Variants in DCLK1 observed in about 807,000 individuals in gnomAD.
The protein encoded by DCLK1 is doublecortin like kinase 1.
A neutral mutation model predicts 86.2 loss-of-function variants in DCLK1; 16 were observed. The ratio of observed to expected loss-of-function variants is 0.19; its 90% CI spans 0.13 to 0.28. The LOEUF (loss-of-function observed/expected upper bound fraction) is 0.28, where lower values mean the gene tolerates loss of function less well. DCLK1 is among the 10% of genes least tolerant of loss of function. The pLI, the probability that DCLK1 is intolerant of heterozygous loss-of-function variation, is 1.00. For missense variants in DCLK1, 590 were observed against 940.2 expected (o/e 0.63, Z 4.87); for synonymous variants, 369 against 370.5 (o/e 1.00, Z 0.05).
chr13:36,108,689 C>A (rs1885495770), intron 3 of DCLK1, among the ~76,000 whole-genome samples: 1 of 152,206 alleles, frequency 6.6e-6, no homozygotes, highest in Non-Finnish European at 1.5e-5. Flanking sequence ...AGCACTCAAG[C>A]AATTCATTTT....
chr13:36,012,009 G>T (rs551882013), intron 3 of DCLK1, among the ~76,000 whole-genome samples: 1,549 of 147,272 alleles, frequency 0.011, 20 homozygotes, highest in Non-Finnish European at 0.017. Context: ...TTTGATCTTT[G>T]TTGGTTTAAA....
chr13:36,001,039 C>T (rs531619352), intron 3 of DCLK1, among the ~76,000 whole-genome samples: 6 of 151,722 alleles, frequency 4.0e-5, no homozygotes, highest in Non-Finnish European at 8.8e-5. Flanking sequence ...ACATCCGCCT[C>T]CCAGGTTTAA....
chr13:36,054,792 G>C (rs1044740524), intron 3 of DCLK1, among the ~76,000 whole-genome samples: 4 of 152,140 alleles, frequency 2.6e-5, no homozygotes, highest in African/African-American at 9.7e-5. Context: ...CTGAGGTCTT[G>C]TCCACACTAA....
At chr13:35,954,902 C>G (rs1639187709) in intron 3 of DCLK1, among the ~76,000 whole-genome samples, 1 of 152,046 alleles carries the variant, frequency 6.6e-6, no homozygotes, top group African/African-American at 2.4e-5. Context: ...CTCAAACTAA[C>G]AGGCTGATGC....
intron 11 of DCLK1, among the ~76,000 whole-genome samples, chr13:35,818,789 A>T (rs2087327659): frequency 6.8e-6 from 1 of 147,562 alleles, no homozygotes; most frequent in African/African-American, 2.5e-5. Flanking sequence ...GAAGGTATTA[A>T]TTTTTTTTTT....
intron 4 of DCLK1, among the ~76,000 whole-genome samples, chr13:35,903,736 T>TAA (rs140116727): frequency 8.7e-5 from 13 of 149,174 alleles, no homozygotes; most frequent in African/African-American, 3.2e-4. Flanking sequence ...CCTAACAAAA[T>TAA]AAAAAAAAAA....
chr13:36,071,403 T>A lies in DCLK1; in HGVS notation c.723+40466A>T, dbSNP rs1883970727. The stretch of plus-strand genomic sequence containing the variant: ...AGCCTCATTCTGTTAAGTATTATTA[T>A]ACTCACTTCAGATATGAGGAAACAA... On this transcript the variant is annotated intron_variant, in intron 3 of 16. Coordinates refer to ENST00000360631, the MANE Select transcript of DCLK1 (RefSeq NM_001330071.2). Among the ~76,000 whole-genome samples, 5 of 152,186 alleles carry A rather than the reference T, an allele frequency of 3.3e-5. No individual in the cohort carries two copies. In the South Asian group the frequency reaches 1.0e-3, roughly 31 times the overall value.
intron 4 of DCLK1, among the ~76,000 whole-genome samples, chr13:35,884,388 A>T (rs959427189): frequency 2.0e-5 from 3 of 152,160 alleles, no homozygotes; most frequent in Non-Finnish European, 2.9e-5. Context: ...GTTCATATAT[A>T]TTGTCAGCTC....
chr13:35,822,879 A>C lies in DCLK1; in HGVS notation c.1408-4T>G. ...TGGCATCAAAAAGGTCTCCCCCCTGAGAAGAGAACAGAAGCTGAAGCAGCA... is the reference window on the plus strand; with the variant it reads ...TGGCATCAAAAAGGTCTCCCCCCTGCGAAGAGAACAGAAGCTGAAGCAGCA... On this transcript the variant is annotated splice_region_variant and splice_polypyrimidine_tract_variant and intron_variant, in intron 10 of 16. Coordinates refer to ENST00000360631, the MANE Select transcript of DCLK1 (RefSeq NM_001330071.2). 6.2e-7 allele frequency: 1 copy of C among 1,613,748 alleles called. No individual in the cohort carries two copies.
intron 4 of DCLK1, among the ~76,000 whole-genome samples, chr13:35,892,234 A>G (rs1319230834): frequency 6.6e-6 from 1 of 152,174 alleles, no homozygotes; most frequent in African/African-American, 2.4e-5. Context: ...TGCTTCATAC[A>G]TTTTAATCAT....
At chr13:36,107,150 T>TAATGA (rs950761477) in intron 3 of DCLK1, among the ~76,000 whole-genome samples, 5 of 152,156 alleles carry the variant, frequency 3.3e-5, no homozygotes, top group Non-Finnish European at 5.9e-5. Context: ...AGAGAAGATG[T>TAATGA]AATGATGGAT....
At chr13:35,839,675 T>A (rs561272385) in intron 6 of DCLK1, among the ~76,000 whole-genome samples, 200 of 152,176 alleles carry the variant, frequency 1.3e-3, no homozygotes, top group Middle Eastern at 6.8e-3. Context: ...GGTTAAAGAG[T>A]GGGGTTGTCA....
chr13:36,129,035 C>T (rs1886281069), intron 1 of DCLK1, among the ~76,000 whole-genome samples: 2 of 152,226 alleles, frequency 1.3e-5, no homozygotes, highest in African/African-American at 4.8e-5. Flanking sequence ...AAAGGCCAAA[C>T]TCACTTTTGA....
intron 3 of DCLK1, among the ~76,000 whole-genome samples, chr13:36,044,748 A>G (rs1315691697): frequency 6.6e-6 from 1 of 152,188 alleles, no homozygotes. Context: ...ACAGAGGGAA[A>G]TTGAGAAAGA....
intron 3 of DCLK1, among the ~76,000 whole-genome samples, chr13:36,019,089 C>A (rs907104943): frequency 1.3e-5 from 2 of 152,118 alleles, no homozygotes; most frequent in Admixed American, 1.3e-4. Flanking sequence ...AAGTATGCTA[C>A]CAAAATGAGA....
At chr13:35,863,529 G>C (rs1166893934) in intron 5 of DCLK1, among the ~76,000 whole-genome samples, 1 of 152,196 alleles carries the variant, frequency 6.6e-6, no homozygotes, top group Non-Finnish European at 1.5e-5. Context: ...GGTGGGTGCA[G>C]AGAAAGGAGA....
intron 6 of DCLK1, among the ~76,000 whole-genome samples, chr13:35,841,279 C>T (rs1372120278): frequency 6.6e-6 from 1 of 152,210 alleles, no homozygotes; most frequent in Non-Finnish European, 1.5e-5. Flanking sequence ...GTCCCAAAAG[C>T]TTGTTCTTTT....
chr13:35,930,242 G>C (rs962790159), intron 4 of DCLK1, among the ~76,000 whole-genome samples: 1 of 152,180 alleles, frequency 6.6e-6, no homozygotes, highest in Admixed American at 6.5e-5. Flanking sequence ...CATGCAGTAG[G>C]CTCTTAACTA....
At chr13:36,121,811 CAAGAAACTAGT>C (rs1349088335) in intron 2 of DCLK1, among the ~76,000 whole-genome samples, 1 of 152,088 alleles carries the variant, frequency 6.6e-6, no homozygotes, top group Non-Finnish European at 1.5e-5. Flanking sequence ...AGAGGACCCT[CAAGAAACTAGT>C]AGGCTGGGCA....
Sources: gnomAD v4.1 joint callset for allele counts (sites outside exome capture counted in the v4.1 genomes callset) on GRCh38, gnomAD v4.1.1 for gene constraint, MANE v1.5 for transcripts, NCBI Gene and HGNC (gene_info 2026-07-23, HGNC 2026-07-21) for gene names.